Variants in EPB41L5 observed in about 807,000 individuals in gnomAD.
The protein encoded by EPB41L5 is erythrocyte membrane protein band 4.1 like 5.
EPB41L5 carries 55 observed loss-of-function variants against 106.6 expected under a neutral mutation model. The ratio of observed to expected loss-of-function variants is 0.52; its 90% CI spans 0.42 to 0.65. The LOEUF (loss-of-function observed/expected upper bound fraction) is 0.65, where lower values mean the gene tolerates loss of function less well. EPB41L5 is among the 30% of genes least tolerant of loss of function. EPB41L5 has a pLI of 0.00. For synonymous variants in EPB41L5, 297 were observed against 306.7 expected (o/e 0.97, Z 0.33); for missense variants, 871 against 882.1 (o/e 0.99, Z 0.16).
Position 120,076,976 on chromosome 2 carries a change from C to G in EPB41L5, c.511C>G (p.Leu171Val), listed in dbSNP as rs201680783. 32 of 1,594,054 alleles carry G rather than the reference C, an allele frequency of 2.0e-5. No homozygotes were observed. In the East Asian group the frequency reaches 4.5e-4, roughly 22 times the overall value. Reference protein sequence around the residue: ...QLAAYNLQAELGDYDLAEHSP... With the variant: ...QLAAYNLQAEVGDYDLAEHSP... The stretch of plus-strand genomic sequence containing the variant: ...TTTGAAACTTATGTTTATAGCTGAA[C>G]TTGGTGACTATGATCTTGCTGAGCA... The change falls in exon 8 of 25, where the codon CTT (leucine) becomes GTT (valine). Residue 171 changes from leucine (L) to valine (V), a missense_variant. By Grantham distance (32) the Leu-to-Val change is conservative. Coordinates refer to ENST00000263713, the MANE Select transcript of EPB41L5 (RefSeq NM_020909.4).
intron 18 of EPB41L5, among the ~76,000 whole-genome samples, chr2:120,139,264 A>G (rs112824718): frequency 4.3e-4 from 65 of 152,100 alleles, no homozygotes; most frequent in African/African-American, 1.4e-3. Context: ...ACATCAGTCT[A>G]TGCAAAGATT....
intron 16 of EPB41L5, among the ~76,000 whole-genome samples, chr2:120,108,651 A>G (rs1469374194): frequency 6.6e-6 from 1 of 152,188 alleles, no homozygotes; most frequent in African/African-American, 2.4e-5. Flanking sequence ...AGAGGATGCA[A>G]AATACCACTG....
In EPB41L5 at chr2:120,167,870, C is replaced by T. The variant is rs1158467068; in HGVS notation, c.2005-7C>T. Reference sequence around the variant, plus strand: ...CCTGTATTTAGTTGTGTGTGTATCTCCCACAGCAGAGTGGTGCCATGTCTA... The same window carrying T: ...CCTGTATTTAGTTGTGTGTGTATCTTCCACAGCAGAGTGGTGCCATGTCTA... On this transcript the variant is annotated splice_polypyrimidine_tract_variant and splice_region_variant and intron_variant, in intron 23 of 24. Transcript: ENST00000263713. 6.2e-7 allele frequency: 1 copy of T among 1,614,094 alleles called. No individual in the cohort carries two copies. The highest frequency in any genetic ancestry group is 1.1e-5 in the South Asian group (1 of 91,084).
intron 3 of EPB41L5, among the ~76,000 whole-genome samples, chr2:120,050,652 G>T (rs6723986): frequency 0.69 from 104,614 of 152,080 alleles, 37,542 homozygotes; most frequent in Non-Finnish European, 0.79. Context: ...CCTACTTCTC[G>T]CAACTTGTCA....
At chr2:120,091,705 T>G in intron 13 of EPB41L5, 44 bp downstream of exon 13, 1 of 1,450,388 alleles carries the variant, frequency 6.9e-7, no homozygotes, top group Non-Finnish European at 9.6e-7. Flanking sequence ...TCCTTGGCAA[T>G]TAATTATGTG....
chr2:120,073,743 T>C (rs762730273), intron 4 of EPB41L5, among the ~76,000 whole-genome samples: 6 of 152,184 alleles, frequency 3.9e-5, no homozygotes, highest in Non-Finnish European at 7.4e-5. Context: ...GTGAACTTGC[T>C]GAATTGTATT....
chr2:120,155,527 A>T (rs1254704499), intron 20 of EPB41L5, among the ~76,000 whole-genome samples: 1 of 152,156 alleles, frequency 6.6e-6, no homozygotes, highest in East Asian at 1.9e-4. Flanking sequence ...TTAGATGTGT[A>T]GATTCATGTC....
At chr2:120,068,718 G>A (rs1356806338) in intron 3 of EPB41L5, among the ~76,000 whole-genome samples, 1 of 152,128 alleles carries the variant, frequency 6.6e-6, no homozygotes, top group African/African-American at 2.4e-5. Flanking sequence ...TGGATAAAAA[G>A]TCAAGACACC....
chr2:120,053,483 C>T (rs1713067), intron 3 of EPB41L5, among the ~76,000 whole-genome samples: 39,699 of 152,052 alleles, frequency 0.26, 5,606 homozygotes, highest in African/African-American at 0.35. Flanking sequence ...CCCTCTTACA[C>T]GTTACCAGTC....
intron 19 of EPB41L5, among the ~76,000 whole-genome samples, chr2:120,144,456 T>A (rs574649255): frequency 6.6e-6 from 1 of 152,322 alleles, no homozygotes; most frequent in Admixed American, 6.5e-5. Flanking sequence ...TACATTTCAG[T>A]TATCATTTTG....
At chr2:120,060,734 G>A (rs1680980315) in intron 3 of EPB41L5, among the ~76,000 whole-genome samples, 2 of 152,128 alleles carry the variant, frequency 1.3e-5, no homozygotes, top group African/African-American at 4.8e-5. Flanking sequence ...AAATGACACA[G>A]AACTATACAT....
intron 1 of EPB41L5, among the ~76,000 whole-genome samples, chr2:120,018,323 G>T (rs1041367119): frequency 1.3e-5 from 2 of 151,894 alleles, no homozygotes; most frequent in East Asian, 3.9e-4. Context: ...CATCATCTTG[G>T]GATATACAAG....
chr2:120,047,751 G>A (rs530355685), intron 3 of EPB41L5, among the ~76,000 whole-genome samples: 2 of 152,294 alleles, frequency 1.3e-5, no homozygotes, highest in East Asian at 1.9e-4. Flanking sequence ...GTTTTCAAAG[G>A]GAATGCTTCC....
chr2:120,136,120 A>G (rs375442539), intron 18 of EPB41L5, among the ~76,000 whole-genome samples: 75 of 151,296 alleles, frequency 5.0e-4, no homozygotes, highest in Non-Finnish European at 9.6e-4. Flanking sequence ...GTTGAAGTAT[A>G]GAGTTTTTAT....
intron 24 of EPB41L5, among the ~76,000 whole-genome samples, 164 bp downstream of exon 24, chr2:120,168,171 T>C (rs1451091797): frequency 6.6e-6 from 1 of 152,248 alleles, no homozygotes; most frequent in African/African-American, 2.4e-5. Flanking sequence ...AGTGGCTTTT[T>C]CTTGTCAGTA....
chr2:120,066,384 A>AT (rs1681445638), intron 3 of EPB41L5, among the ~76,000 whole-genome samples: 1 of 152,226 alleles, frequency 6.6e-6, no homozygotes, highest in African/African-American at 2.4e-5. Flanking sequence ...TGACAAAACA[A>AT]TTTATAATGT....
At chr2:120,063,629 C>G (rs1681233613) in intron 3 of EPB41L5, among the ~76,000 whole-genome samples, 1 of 151,774 alleles carries the variant, frequency 6.6e-6, no homozygotes, top group Non-Finnish European at 1.5e-5. Context: ...CACATGTACC[C>G]CTGAATCTAA....
chr2:120,159,704 C>T (rs1687062510), intron 20 of EPB41L5, among the ~76,000 whole-genome samples: 1 of 152,058 alleles, frequency 6.6e-6, no homozygotes, highest in Non-Finnish European at 1.5e-5. Flanking sequence ...TAAAAACAGA[C>T]ACATAGACCA....
At chr2:120,107,075 T>A (rs1262566890) in intron 16 of EPB41L5, among the ~76,000 whole-genome samples, 4 of 152,162 alleles carry the variant, frequency 2.6e-5, no homozygotes, top group Non-Finnish European at 4.4e-5. Flanking sequence ...GATCTTTTTT[T>A]AAAAATTTCT....
Sources: gnomAD v4.1 joint callset for allele counts (sites outside exome capture counted in the v4.1 genomes callset) on GRCh38, gnomAD v4.1.1 for gene constraint, MANE v1.5 for transcripts, NCBI Gene and HGNC (gene_info 2026-07-23, HGNC 2026-07-21) for gene names.